The following SFT2D2 variants were observed in gnomAD, a reference collection of about 807,000 sequenced individuals.
SFT2D2 encodes the protein vesicle transport protein SFT2B.
A neutral mutation model predicts 27.4 loss-of-function variants in SFT2D2; 21 were observed. That is an observed-to-expected ratio of 0.77 (90% CI 0.54 to 1.10). SFT2D2 has a LOEUF of 1.10. Among genes scored for constraint, SFT2D2 ranks in the 50% least tolerant of loss-of-function variants. The probability of loss-of-function intolerance (pLI) is 0.00; values close to 1 mark genes in which losing one functional copy is unlikely to be tolerated. For missense variants in SFT2D2, 187 were observed against 194.2 expected (o/e 0.96, Z 0.22); for synonymous variants, 72 against 71.7 (o/e 1.00, Z -0.02).
chr1:168,242,883 G>A lies in SFT2D2; in HGVS notation c.*343G>A. The A allele has an allele frequency of 3.2e-6, 1 of 311,896 alleles. No homozygotes were observed. The highest frequency in any genetic ancestry group is 6.3e-6 in the Non-Finnish European group (1 of 159,896). 19.3% of individuals were successfully genotyped at this position (311,896 alleles called of 1,614,324 possible). ...CTTGGGTGCAAGTGATTCCCAGGTG[G>A]CAAAAGGCAGCCCCATCAGAGATCA... On this transcript the variant is annotated 3_prime_UTR_variant, in exon 8 of 8. Coordinates refer to ENST00000271375, the MANE Select transcript of SFT2D2 (RefSeq NM_199344.3).
chr1:168,236,943 C>T (rs1371669920), intron 6 of SFT2D2, among the ~76,000 whole-genome samples, 173 bp downstream of exon 6: 1 of 152,206 alleles, frequency 6.6e-6, no homozygotes, highest in Non-Finnish European at 1.5e-5. Flanking sequence ...GCCTATCAAC[C>T]CAGCCCACTG....
rs1647962575 is a variant in SFT2D2, at chr1:168,251,982, C to T, written c.*9442C>T. ...AGCGAAGTTTACTTGATCTCAGTTG[C>T]ACTCAAGAATAGGGGATTTAGTTCC... On this transcript the variant is annotated 3_prime_UTR_variant, in exon 8 of 8. Transcript: ENST00000271375. 1.3e-5 allele frequency: 2 copies of T among 152,150 alleles called. No individual in the cohort carries two copies. Among genetic ancestry groups the T allele is most frequent in the South Asian group, 2.1e-4 (1 of 4,832 alleles). 9.4% of individuals were successfully genotyped at this position (152,150 alleles called of 1,614,324 possible). A position where few individuals can be genotyped will look rare whatever the true frequency, so the allele number is the denominator to read the frequency against.
rs762727455 is a variant in SFT2D2, at chr1:168,246,816, T to C, written c.*4276T>C. On this transcript the variant is annotated 3_prime_UTR_variant, in exon 8 of 8. Transcript: ENST00000271375. Reference sequence around the variant, plus strand: ...CTGTCCACTATAATGGGCTATCGTTTTTGTTGATTTTTCCCCATTCTGTTT... The same window carrying C: ...CTGTCCACTATAATGGGCTATCGTTCTTGTTGATTTTTCCCCATTCTGTTT... The C allele has an allele frequency of 5.9e-6, 4 of 672,366 alleles. No homozygotes were observed. Among genetic ancestry groups the C allele is most frequent in the Non-Finnish European group, 1.0e-5 (4 of 385,686 alleles). 41.7% of individuals were successfully genotyped at this position (672,366 alleles called of 1,614,324 possible). A position where few individuals can be genotyped will look rare whatever the true frequency, so the allele number is the denominator to read the frequency against.
intron 1 of SFT2D2, chr1:168,229,799 C>T (rs961146999): frequency 1.3e-5 from 2 of 152,092 alleles, no homozygotes; most frequent in Non-Finnish European, 2.9e-5. Flanking sequence ...TGCTTTAGTC[C>T]GAAGTAGCCT....
chr1:168,238,937 T>C lies in SFT2D2; in HGVS notation c.414-194T>C, dbSNP rs564516818. On this transcript the variant is annotated intron_variant, in intron 6 of 7. Transcript: ENST00000271375. ...GTGGCTGCCTATCTGTACATGGCCA[T>C]AGTGTGTGTGTTTGGGTACACGTGC... Among the ~76,000 whole-genome samples the C allele has an allele frequency of 4.1e-3, 623 of 152,310 alleles. 4 individuals carry two copies. The highest frequency in any genetic ancestry group is 0.013 in the African/African-American group (547 of 41,568).
chr1:168,231,903 A>G lies in SFT2D2; in HGVS notation c.220A>G (p.Ile74Val). ...LFAVFYTFGN[I>V]ASIGSTIFLM... ...CGCAGTGTTTTATACCTTTGGTAAT[A>G]TCGCATCAATTGGGAGGTAACTGTT... Residue 74 changes from isoleucine to valine, a missense_variant, in exon 3 of 8, where the codon ATC becomes GTC. Coordinates refer to ENST00000271375, the MANE Select transcript of SFT2D2 (RefSeq NM_199344.3). The G allele has an allele frequency of 6.2e-7, 1 of 1,614,136 alleles. No individual in the cohort carries two copies. Among genetic ancestry groups the G allele is most frequent in the Non-Finnish European group, 8.5e-7 (1 of 1,179,984 alleles).
chr1:168,239,759 C>G (rs562092796), intron 7 of SFT2D2, among the ~76,000 whole-genome samples: 1 of 151,790 alleles, frequency 6.6e-6, no homozygotes, highest in Admixed American at 6.6e-5. Flanking sequence ...CTTTCAGTGA[C>G]GGACCTCTCA....
At chr1:168,238,897 T>C (rs760512284) in intron 6 of SFT2D2, among the ~76,000 whole-genome samples, 1 of 152,230 alleles carries the variant, frequency 6.6e-6, no homozygotes, top group Non-Finnish European at 1.5e-5. Flanking sequence ...CACATGAACC[T>C]TTTGCCCTTC....
intron 3 of SFT2D2, among the ~76,000 whole-genome samples, chr1:168,232,968 T>G (rs1215631086): frequency 6.6e-6 from 1 of 152,184 alleles, no homozygotes; most frequent in African/African-American, 2.4e-5. Context: ...CCATTGCCCC[T>G]CTCAAGGCCA....
chr1:168,242,465 G>A (rs1243375579), intron 7 of SFT2D2, 36 bp from the exon 8 acceptor site: 1 of 1,613,836 alleles, frequency 6.2e-7, no homozygotes, highest in Non-Finnish European at 8.5e-7. Flanking sequence ...TTGGGGTGAT[G>A]ACGTTCCACT....
intron 1 of SFT2D2, 84 bp from the exon 2 acceptor site, chr1:168,231,430 T>G (rs1647287361): frequency 8.3e-7 from 1 of 1,209,456 alleles, no homozygotes; most frequent in Non-Finnish European, 1.2e-6. Flanking sequence ...CTAATACAAC[T>G]TAACACTTTC....
At chr1:168,240,588 G>A (rs533365581) in intron 7 of SFT2D2, among the ~76,000 whole-genome samples, 12 of 152,132 alleles carry the variant, frequency 7.9e-5, no homozygotes, top group African/African-American at 2.9e-4. Flanking sequence ...AGTTTTCAGG[G>A]CCCAGTGCAA....
At position 168,251,246 on chromosome 1, in the gene SFT2D2, G is replaced by A. The variant is rs1442031442; in HGVS notation, c.*8706G>A. The A allele has an allele frequency of 6.6e-6, 1 of 152,030 alleles. No homozygotes were observed. Among genetic ancestry groups the A allele is most frequent in the South Asian group, 2.1e-4 (1 of 4,820 alleles). 9.4% of individuals were successfully genotyped at this position (152,030 alleles called of 1,614,324 possible). A position where few individuals can be genotyped will look rare whatever the true frequency, so the allele number is the denominator to read the frequency against. The stretch of plus-strand genomic sequence containing the variant: ...CACAAGAATTGCTTGAACCCAGGAG[G>A]TGGAAGTTCAGTGAGCCGAGATCGC... On this transcript the variant is annotated 3_prime_UTR_variant, in exon 8 of 8. Coordinates refer to ENST00000271375, the MANE Select transcript of SFT2D2 (RefSeq NM_199344.3).
rs1208502099 is a variant in SFT2D2 at position 168,252,297 on chromosome 1, A to G, written c.*9757A>G. The G allele has an allele frequency of 1.3e-5, 2 of 152,206 alleles. No homozygotes were observed. The highest frequency in any genetic ancestry group is 6.5e-5 in the Admixed American group (1 of 15,282). 9.4% of individuals were successfully genotyped at this position (152,206 alleles called of 1,614,324 possible). A position where few individuals can be genotyped will look rare whatever the true frequency, so the allele number is the denominator to read the frequency against. ...CTACATTTAATAAACAGCCACAAAC[A>G]ACAAAAGGACAACTGGTCCCCGATA... On this transcript the variant is annotated 3_prime_UTR_variant, in exon 8 of 8. Transcript: ENST00000271375.
intron 7 of SFT2D2, among the ~76,000 whole-genome samples, chr1:168,239,661 G>A (rs1647592859): frequency 6.6e-6 from 1 of 151,866 alleles, no homozygotes; most frequent in Admixed American, 6.6e-5. Flanking sequence ...TGGCCTCAAA[G>A]CATCGATAAG....
At chr1:168,234,071 T>A (rs527832491) in intron 3 of SFT2D2, among the ~76,000 whole-genome samples, 2 of 152,276 alleles carry the variant, frequency 1.3e-5, no homozygotes, top group South Asian at 4.1e-4. Flanking sequence ...GTGATTACTC[T>A]TGCTAGCCAT....
chr1:168,226,560 T>G (rs974305247), intron 1 of SFT2D2, among the ~76,000 whole-genome samples: 2 of 151,526 alleles, frequency 1.3e-5, no homozygotes, highest in Non-Finnish European at 2.9e-5. Flanking sequence ...GGTGTTGGGG[T>G]GGCGGTCCCT....
chr1:168,233,171 C>T (rs898683319), intron 3 of SFT2D2, among the ~76,000 whole-genome samples: 3 of 152,192 alleles, frequency 2.0e-5, no homozygotes, highest in African/African-American at 7.2e-5. Context: ...TCTTGCATTT[C>T]CCAAAATGCC....
intron 6 of SFT2D2, among the ~76,000 whole-genome samples, chr1:168,236,990 G>A (rs1647521387): frequency 6.6e-6 from 1 of 152,202 alleles, no homozygotes; most frequent in Non-Finnish European, 1.5e-5. Context: ...GTGGTCACAG[G>A]AGGCTCCTTG....
Sources: gnomAD v4.1 joint callset for allele counts (sites outside exome capture counted in the v4.1 genomes callset) on GRCh38, gnomAD v4.1.1 for gene constraint, MANE v1.5 for transcripts, NCBI Gene and HGNC (gene_info 2026-07-23, HGNC 2026-07-21) for gene names.